GPM6A: variants seen among roughly 807,000 people sequenced by gnomAD.
The protein encoded by GPM6A is neuronal membrane glycoprotein M6-a.
Under a neutral mutation model 32.1 loss-of-function variants are expected in GPM6A, and 7 were observed. The ratio of observed to expected loss-of-function variants is 0.22; its 90% CI spans 0.12 to 0.41. The LOEUF is 0.41. Among genes scored for constraint, GPM6A ranks in the 10% least tolerant of loss-of-function variants. GPM6A has a pLI of 1.00. For synonymous variants in GPM6A, 130 were observed against 123.4 expected (o/e 1.05, Z -0.35); for missense variants, 235 against 347.2 (o/e 0.68, Z 2.57).
chr4:175,937,845 G>A (rs1400355223), intron 1 of GPM6A, among the ~76,000 whole-genome samples: 1 of 151,978 alleles, frequency 6.6e-6, no homozygotes, highest in African/African-American at 2.4e-5. Context: ...TAAGCTAAAT[G>A]AATAGTCCAT....
chr4:175,910,714 A>C (rs10520316), intron 1 of GPM6A, among the ~76,000 whole-genome samples: 10,472 of 152,192 alleles, frequency 0.069, 1,121 homozygotes, highest in African/African-American at 0.23. Context: ...CTAAGAAATC[A>C]AACAATAATT....
intron 6 of GPM6A, among the ~76,000 whole-genome samples, chr4:175,639,380 C>A (rs112610624): frequency 8.6e-4 from 131 of 152,246 alleles, no homozygotes; most frequent in African/African-American, 3.0e-3. Flanking sequence ...CATTCACCAT[C>A]TTTACATATT....
intron 1 of GPM6A, among the ~76,000 whole-genome samples, chr4:175,766,788 G>A (rs1306951170): frequency 1.3e-5 from 2 of 151,598 alleles, no homozygotes; most frequent in East Asian, 3.9e-4. Flanking sequence ...CCGAGTAGCT[G>A]GAATTACAGG....
chr4:175,901,414 A>T (rs1258299586), intron 1 of GPM6A, among the ~76,000 whole-genome samples: 1 of 152,098 alleles, frequency 6.6e-6, no homozygotes, highest in Non-Finnish European at 1.5e-5. Context: ...CCATAAATAC[A>T]TACACCTACT....
At chr4:175,832,320 GA>G (rs1278261754) in intron 1 of GPM6A, among the ~76,000 whole-genome samples, 4 of 152,218 alleles carry the variant, frequency 2.6e-5, no homozygotes, top group African/African-American at 9.6e-5. Context: ...AGCTAAACAA[GA>G]AAGTAGTATT....
intron 1 of GPM6A, among the ~76,000 whole-genome samples, chr4:175,763,964 C>T (rs1028024324): frequency 7.2e-5 from 11 of 152,038 alleles, no homozygotes; most frequent in African/African-American, 2.7e-4. Flanking sequence ...TTGTTTTAGT[C>T]AATAAGTAAC....
At chr4:175,956,039 G>A (rs540948070) in intron 1 of GPM6A, among the ~76,000 whole-genome samples, 1 of 152,314 alleles carries the variant, frequency 6.6e-6, no homozygotes, top group South Asian at 2.1e-4. Context: ...CATGCTGCTA[G>A]GGCAACCCCA....
intron 3 of GPM6A, among the ~76,000 whole-genome samples, chr4:175,654,683 C>T (rs1741983391): frequency 6.6e-6 from 1 of 152,082 alleles, no homozygotes; most frequent in Non-Finnish European, 1.5e-5. Context: ...TCCAGAAATT[C>T]TTGGAAACCA....
intron 4 of GPM6A, among the ~76,000 whole-genome samples, chr4:175,644,365 C>T (rs1741333947): frequency 6.6e-6 from 1 of 151,984 alleles, no homozygotes; most frequent in Non-Finnish European, 1.5e-5. Flanking sequence ...GAGGTTGCTG[C>T]AGGCCCATAT....
intron 1 of GPM6A, among the ~76,000 whole-genome samples, chr4:175,945,383 A>G (rs1029823444): frequency 6.6e-6 from 1 of 152,132 alleles, no homozygotes; most frequent in Non-Finnish European, 1.5e-5. Context: ...AAGAATTGTA[A>G]AACTTTTTAA....
chr4:175,923,443 A>T (rs894965668), intron 1 of GPM6A, among the ~76,000 whole-genome samples: 9 of 150,970 alleles, frequency 6.0e-5, no homozygotes, highest in African/African-American at 2.2e-4. Flanking sequence ...TCATCAGCAG[A>T]TGAAGTGTGA....
intron 1 of GPM6A, among the ~76,000 whole-genome samples, chr4:175,858,623 G>A (rs1736486777): frequency 6.6e-6 from 1 of 151,900 alleles, no homozygotes; most frequent in South Asian, 2.1e-4. Flanking sequence ...CACTGCTGGT[G>A]GAAATGCAAA....
At chr4:175,690,350 G>T (rs1454280760) in intron 2 of GPM6A, among the ~76,000 whole-genome samples, 1 of 152,172 alleles carries the variant, frequency 6.6e-6, no homozygotes, top group Non-Finnish European at 1.5e-5. Flanking sequence ...TACCTGGCAG[G>T]AAATGCTGCA....
At position 175,991,139 on chromosome 4, in the gene GPM6A, C is replaced by T. The variant is rs185516715; in HGVS notation, c.-23+11170G>A. Among the ~76,000 whole-genome samples, 366 of 149,228 alleles carry T rather than the reference C, an allele frequency of 2.5e-3. 1 individual carries two copies. Among genetic ancestry groups the T allele is most frequent in the Middle Eastern group, 0.014 (4 of 286 alleles). Reference sequence around the variant, plus strand: ...AGGCTGGAGTGCAGTAGCATGATCTCACTGCAACTTCTGCCTCCTGGGTTC... The same window carrying T: ...AGGCTGGAGTGCAGTAGCATGATCTTACTGCAACTTCTGCCTCCTGGGTTC... On this transcript the variant is annotated intron_variant, in intron 1 of 7. Transcript: ENST00000280187.
chr4:175,896,259 C>T (rs1296029054), intron 1 of GPM6A, among the ~76,000 whole-genome samples: 1 of 152,040 alleles, frequency 6.6e-6, no homozygotes, highest in African/African-American at 2.4e-5. Flanking sequence ...GCTTTGGTGA[C>T]CACAGACACT....
At chr4:175,987,819 AAATT>A (rs546646178) in intron 1 of GPM6A, among the ~76,000 whole-genome samples, 86 of 152,264 alleles carry the variant, frequency 5.6e-4, no homozygotes, top group African/African-American at 1.9e-3. Context: ...GGTTGCTTAG[AAATT>A]AATTAATTGA....
At chr4:175,802,856 G>T (rs192054552) in intron 1 of GPM6A, among the ~76,000 whole-genome samples, 1 of 152,020 alleles carries the variant, frequency 6.6e-6, no homozygotes, top group Non-Finnish European at 1.5e-5. Flanking sequence ...AAAAATATGT[G>T]TGGGCTCTTT....
At chr4:175,859,191 A>C (rs1736502114) in intron 1 of GPM6A, among the ~76,000 whole-genome samples, 1 of 152,204 alleles carries the variant, frequency 6.6e-6, no homozygotes, top group Non-Finnish European at 1.5e-5. Context: ...AAATATGTTG[A>C]AATGTCAAAT....
intron 1 of GPM6A, among the ~76,000 whole-genome samples, chr4:175,925,303 A>C (rs773442711): frequency 2.6e-5 from 4 of 152,226 alleles, no homozygotes; most frequent in African/African-American, 4.8e-5. Context: ...AATTTTATGC[A>C]TTATTCTATT....
Sources: allele counts gnomAD v4.1 joint callset (sites outside exome capture counted in the v4.1 genomes callset), GRCh38; gene constraint gnomAD v4.1.1; transcripts MANE v1.5; gene names NCBI Gene and HGNC (gene_info 2026-07-23, HGNC 2026-07-21).